The following PPP3CC variants were observed in gnomAD, a reference collection of about 807,000 sequenced individuals.
PPP3CC encodes the protein serine/threonine-protein phosphatase 2B catalytic subunit gamma isoform.
A neutral mutation model predicts 60.3 loss-of-function variants in PPP3CC; 35 were observed. The ratio of observed to expected loss-of-function variants is 0.58; its 90% confidence interval spans 0.44 to 0.77. The LOEUF (loss-of-function observed/expected upper bound fraction) is 0.77, where lower values mean the gene tolerates loss of function less well. Among genes scored for constraint, PPP3CC ranks in the 30% least tolerant of loss-of-function variants. The probability of loss-of-function intolerance (pLI) is 0.00; values close to 1 mark genes in which losing one functional copy is unlikely to be tolerated. For missense variants in PPP3CC, 570 were observed against 628.9 expected (o/e 0.91, Z 1.00); for synonymous variants, 206 against 224.3 (o/e 0.92, Z 0.73).
chr8:22,531,178 A>G (rs545845685), intron 10 of PPP3CC: 4 of 882,538 alleles, frequency 4.5e-6, no homozygotes, highest in Non-Finnish European at 7.1e-6. Flanking sequence ...GGTAAAGATA[A>G]TAGCCTGTTT....
intron 6 of PPP3CC, among the ~76,000 whole-genome samples, chr8:22,520,092 A>G (rs957572675): frequency 7.9e-6 from 1 of 125,828 alleles, no homozygotes; most frequent in African/African-American, 3.1e-5. Context: ...TGATGAGTAA[A>G]GTATTCCTGG....
At chr8:22,538,982 CTT>C (rs908372224) in intron 12 of PPP3CC, among the ~76,000 whole-genome samples, 1 of 149,038 alleles carries the variant, frequency 6.7e-6, no homozygotes, top group Non-Finnish European at 1.5e-5. Context: ...AAAGGCCACT[CTT>C]TTTTTTTTAA....
intron 1 of PPP3CC, among the ~76,000 whole-genome samples, chr8:22,451,678 G>A (rs930449374): frequency 1.8e-4 from 27 of 152,226 alleles, no homozygotes; most frequent in Admixed American, 1.6e-3. Flanking sequence ...CAGCATGATG[G>A]TGATGTCCAG....
At position 22,497,541 on chromosome 8, in the gene PPP3CC, T is replaced by C. The variant is rs138214425; in HGVS notation, c.373-460T>C. On this transcript the variant is annotated intron_variant, in intron 3 of 13. Transcript: ENST00000240139. The stretch of plus-strand genomic sequence containing the variant: ...TATTTGAGTTAGTTTTATCATTGAT[T>C]TTGGGGGGTTATATCTGCAAATAGA... Among the ~76,000 whole-genome samples the C allele has an allele frequency of 4.3e-3, 655 of 152,252 alleles. 5 individuals are homozygous for C. Among genetic ancestry groups the C allele is most frequent in the African/African-American group, 0.015 (634 of 41,538 alleles).
intron 4 of PPP3CC, among the ~76,000 whole-genome samples, chr8:22,508,943 G>A (rs1338244715): frequency 6.6e-6 from 1 of 152,178 alleles, no homozygotes; most frequent in Non-Finnish European, 1.5e-5. Context: ...TGAACTTTGA[G>A]CTCCTAATAA....
intron 5 of PPP3CC, among the ~76,000 whole-genome samples, chr8:22,512,059 C>A (rs1839103248): frequency 6.6e-6 from 1 of 152,170 alleles, no homozygotes; most frequent in African/African-American, 2.4e-5. Flanking sequence ...AAAAAGATGA[C>A]CAATTTTTAT....
chr8:22,452,402 T>C (rs1466022889), intron 1 of PPP3CC, among the ~76,000 whole-genome samples: 1 of 152,190 alleles, frequency 6.6e-6, no homozygotes, highest in Non-Finnish European at 1.5e-5. Flanking sequence ...CAAGGGGACT[T>C]CTGAGAAGCT....
intron 5 of PPP3CC, 56 bp downstream of exon 5, chr8:22,511,287 T>A (rs1586849002): frequency 7.8e-6 from 12 of 1,543,620 alleles, no homozygotes; most frequent in Non-Finnish European, 1.1e-5. Context: ...GTTGGGTTTT[T>A]TTGTTGTTGT....
chr8:22,462,716 A>G (rs1586797601), intron 1 of PPP3CC, among the ~76,000 whole-genome samples: 1 of 151,790 alleles, frequency 6.6e-6, no homozygotes, highest in African/African-American at 2.4e-5. Flanking sequence ...GACTACAGGC[A>G]CCCGCCACCA....
rs750908882 is a variant in PPP3CC, at chr8:22,528,514, A to T, written c.1078A>T (p.Met360Leu). The change falls in exon 10 of 14, where the codon ATG (methionine) becomes TTG (leucine). Residue 360 changes from methionine to leucine, a missense_variant. Met to Leu is a conservative substitution (Grantham distance 15). Coordinates refer to ENST00000240139, the MANE Select transcript of PPP3CC (RefSeq NM_005605.5). ...LPFVGEKVTEMLVNVLNICSD... is the reference protein window; with the variant it reads ...LPFVGEKVTELLVNVLNICSD... ...TATTTTGTCTTACTTAGTCACAGAGATGCTGGTAAATGTGCTCAACATATG... is the reference window on the plus strand; with the variant it reads ...TATTTTGTCTTACTTAGTCACAGAGTTGCTGGTAAATGTGCTCAACATATG... 1 of 1,538,938 alleles carries T rather than the reference A, an allele frequency of 6.5e-7. No individual in the cohort carries two copies. Among genetic ancestry groups the T allele is most frequent in the Non-Finnish European group, 8.8e-7 (1 of 1,136,424 alleles).
chr8:22,509,986 C>T (rs989115427), intron 4 of PPP3CC, among the ~76,000 whole-genome samples: 1 of 148,912 alleles, frequency 6.7e-6, no homozygotes, highest in East Asian at 2.2e-4. Context: ...GAGTTTGAGA[C>T]CAGCCTGGCC....
intron 3 of PPP3CC, among the ~76,000 whole-genome samples, chr8:22,486,701 T>C (rs1004728999): frequency 2.6e-5 from 4 of 151,764 alleles, no homozygotes; most frequent in Non-Finnish European, 5.9e-5. Context: ...CCTGGACATC[T>C]CATCTCCAGA....
chr8:22,509,729 G>C (rs1385711108), intron 4 of PPP3CC, among the ~76,000 whole-genome samples: 1 of 152,044 alleles, frequency 6.6e-6, no homozygotes, highest in Non-Finnish European at 1.5e-5. Flanking sequence ...AGAGACAGAG[G>C]CTCACTCTGT....
rs1005084855 is a variant in PPP3CC, at chr8:22,513,424, T to C, written c.762T>C (p.Tyr254=). 3.7e-6 allele frequency: 6 copies of C among 1,600,856 alleles called. No homozygotes were observed. In the African/African-American group the frequency reaches 6.7e-5, roughly 18 times the overall value. ...YTHNTVRGCS[Y]FYSYPAVCEF... ...ACAACACTGTCCGAGGGTGCTCTTA[T>C]TTCTACAGGTAAGCTAGTCCTTGAG... Residue 254 remains tyrosine (Y), a synonymous_variant, in exon 6 of 14, where the codon TAT becomes TAC. Transcript: ENST00000240139.
chr8:22,536,382 A>G (rs1437962107), intron 12 of PPP3CC, among the ~76,000 whole-genome samples: 2 of 152,154 alleles, frequency 1.3e-5, no homozygotes, highest in Non-Finnish European at 1.5e-5. Context: ...TTAGGTAAAC[A>G]TTATGAAAAT....
chr8:22,507,295 G>C (rs138667092), intron 4 of PPP3CC, among the ~76,000 whole-genome samples: 1 of 152,284 alleles, frequency 6.6e-6, no homozygotes, highest in Non-Finnish European at 1.5e-5. Context: ...GTTAGAACTT[G>C]TATCAGTGTC....
intron 3 of PPP3CC, among the ~76,000 whole-genome samples, chr8:22,490,469 A>T (rs573267824): frequency 1.3e-5 from 2 of 152,214 alleles, no homozygotes; most frequent in East Asian, 3.9e-4. Flanking sequence ...ATATTTTATT[A>T]TACTTTAAGT....
intron 3 of PPP3CC, among the ~76,000 whole-genome samples, chr8:22,479,211 A>T (rs963329572): frequency 6.6e-6 from 1 of 151,714 alleles, no homozygotes; most frequent in African/African-American, 2.4e-5. Flanking sequence ...TGGAATTCTT[A>T]TTAAAATTTT....
At chr8:22,511,487 C>G (rs998794999) in intron 5 of PPP3CC, among the ~76,000 whole-genome samples, 5 of 152,106 alleles carry the variant, frequency 3.3e-5, no homozygotes, top group Admixed American at 3.3e-4. Context: ...CCAGGCTGGT[C>G]TTGAACTCCT....
Sources: gnomAD v4.1 joint callset for allele counts (sites outside exome capture counted in the v4.1 genomes callset) on GRCh38, gnomAD v4.1.1 for gene constraint, MANE v1.5 for transcripts, NCBI Gene and HGNC (gene_info 2026-07-23, HGNC 2026-07-21) for gene names.